Variants in PCDH9 observed in about 807,000 individuals in gnomAD.
PCDH9 encodes the protein protocadherin-9.
In PCDH9, 24 loss-of-function variants were observed where a neutral mutation model predicts 70.6. The ratio of observed to expected loss-of-function variants is 0.34; its 90% CI spans 0.25 to 0.48. The LOEUF is 0.48. Among genes scored for constraint, PCDH9 ranks in the 20% least tolerant of loss-of-function variants. The pLI is 0.99. For missense variants in PCDH9, 1,281 were observed against 1,503.6 expected (o/e 0.85, Z 2.45); for synonymous variants, 562 against 558.5 (o/e 1.01, Z -0.09).
intron 2 of PCDH9, among the ~76,000 whole-genome samples, chr13:66,982,406 G>A (rs1310930611): frequency 1.3e-5 from 2 of 152,152 alleles, no homozygotes; most frequent in Non-Finnish European, 2.9e-5. Flanking sequence ...GCACTTCCAA[G>A]AAACACTAAA....
intron 2 of PCDH9, among the ~76,000 whole-genome samples, chr13:67,047,402 T>G (rs944732501): frequency 6.6e-6 from 1 of 152,214 alleles, no homozygotes; most frequent in African/African-American, 2.4e-5. Flanking sequence ...AACAGTGGCA[T>G]TTATATTTCT....
intron 3 of PCDH9, among the ~76,000 whole-genome samples, chr13:66,788,650 T>TA (rs1169447665): frequency 9.5e-5 from 4 of 41,972 alleles, no homozygotes; most frequent in African/African-American, 2.2e-4. Context: ...AAACAGTAAT[T>TA]TTTTTTTTTT....
At chr13:66,580,670 T>G (rs1180434005) in intron 4 of PCDH9, among the ~76,000 whole-genome samples, 1 of 151,844 alleles carries the variant, frequency 6.6e-6, no homozygotes, top group South Asian at 2.1e-4. Flanking sequence ...CACCCCACAC[T>G]GTACAGCTTA....
chr13:66,323,572 G>A (rs1334422784), intron 4 of PCDH9: 1 of 151,802 alleles, frequency 6.6e-6, no homozygotes, highest in East Asian at 1.9e-4. Context: ...CTTCTTTCTT[G>A]TAATTTACAT....
At chr13:66,366,630 C>A (rs1956558749) in intron 4 of PCDH9, among the ~76,000 whole-genome samples, 1 of 151,906 alleles carries the variant, frequency 6.6e-6, no homozygotes, top group Non-Finnish European at 1.5e-5. Context: ...TCTAAGTAAT[C>A]CCTCTAAGAT....
intron 2 of PCDH9, among the ~76,000 whole-genome samples, chr13:66,975,183 G>A (rs1384164120): frequency 6.6e-6 from 1 of 151,966 alleles, no homozygotes; most frequent in African/African-American, 2.4e-5. Context: ...ACACAGATAG[G>A]CCATGTCATA....
chr13:66,863,805 T>C (rs1282372191), intron 3 of PCDH9, among the ~76,000 whole-genome samples: 1 of 152,066 alleles, frequency 6.6e-6, no homozygotes, highest in African/African-American at 2.4e-5. Flanking sequence ...GCAAAATTTC[T>C]AGGGAAATTT....
chr13:66,538,364 G>A (rs1034336955), intron 4 of PCDH9, among the ~76,000 whole-genome samples: 1 of 152,074 alleles, frequency 6.6e-6, no homozygotes, highest in Non-Finnish European at 1.5e-5. Flanking sequence ...TAGAAAGTTC[G>A]AGGAAATTAT....
chr13:67,051,185 G>A (rs2085314325), intron 2 of PCDH9, among the ~76,000 whole-genome samples: 1 of 151,982 alleles, frequency 6.6e-6, no homozygotes, highest in African/African-American at 2.4e-5. Context: ...TATTACAGTA[G>A]CATTTGGGTT....
At position 66,991,600 on chromosome 13, in the gene PCDH9, GACTA is replaced by G. The variant is rs1180662780; in HGVS notation, c.3037-87999_3037-87996del. On this transcript the variant is annotated intron_variant, in intron 2 of 4. Coordinates refer to ENST00000377865, the MANE Select transcript of PCDH9 (RefSeq NM_203487.3). ...TGACTTATATATTGAAATTTCATTTGACTAACTACTTTTTAATTCCATTAACATT... is the reference window on the plus strand; with the variant it reads ...TGACTTATATATTGAAATTTCATTTGACTACTTTTTAATTCCATTAACATT... Among the ~76,000 whole-genome samples the G allele has an allele frequency of 3.3e-5, 5 of 151,886 alleles. No individual in the cohort carries two copies. In the East Asian group the frequency reaches 5.8e-4, roughly 18 times the overall value.
intron 2 of PCDH9, among the ~76,000 whole-genome samples, chr13:67,047,337 C>T (rs1263254657): frequency 1.3e-5 from 2 of 152,140 alleles, no homozygotes; most frequent in Non-Finnish European, 2.9e-5. Flanking sequence ...GTTTTAAATA[C>T]TAAAGTTATG....
At chr13:66,404,439 G>A (rs1464307709) in intron 4 of PCDH9, among the ~76,000 whole-genome samples, 1 of 152,144 alleles carries the variant, frequency 6.6e-6, no homozygotes, top group Non-Finnish European at 1.5e-5. Context: ...AAGTGGAAAT[G>A]TAATCATACA....
At chr13:66,884,491 C>T (rs376600992) in intron 3 of PCDH9, among the ~76,000 whole-genome samples, 2 of 152,012 alleles carry the variant, frequency 1.3e-5, no homozygotes, top group African/African-American at 4.8e-5. Flanking sequence ...TTTCTGTAGA[C>T]GTATGTTGAG....
chr13:67,204,075 A>G (rs553936320), intron 2 of PCDH9: 12 of 152,260 alleles, frequency 7.9e-5, no homozygotes, highest in African/African-American at 2.9e-4. Context: ...GTATGATTAC[A>G]TATAAGGCTG....
intron 4 of PCDH9, among the ~76,000 whole-genome samples, chr13:66,426,089 T>A (rs1957664059): frequency 6.6e-6 from 1 of 151,436 alleles, no homozygotes; most frequent in African/African-American, 2.4e-5. Context: ...GAGGTAGGAG[T>A]ATAGTTTCTT....
intron 3 of PCDH9, among the ~76,000 whole-genome samples, chr13:66,750,882 T>C (rs2079447057): frequency 6.6e-6 from 1 of 152,148 alleles, no homozygotes; most frequent in South Asian, 2.1e-4. Flanking sequence ...CCTTTGAGGC[T>C]AGATGGCATG....
chr13:66,936,481 C>G lies in PCDH9; in HGVS notation c.3037-32876G>C, dbSNP rs555298093. On this transcript the variant is annotated intron_variant, in intron 2 of 4. Coordinates refer to ENST00000377865, the MANE Select transcript of PCDH9 (RefSeq NM_203487.3). ...TCCATTGCTGGAAGAAAAAATTTAA[C>G]TCAATTATGCCATCATGTTGGGTGA... Among the ~76,000 whole-genome samples the G allele has an allele frequency of 6.6e-5, 10 of 152,144 alleles. No homozygotes were observed. The South Asian group carries it at 2.1e-3, about 31-fold the overall frequency.
At chr13:66,942,325 CAGAA>C (rs1421663719) in intron 2 of PCDH9, among the ~76,000 whole-genome samples, 30 of 151,496 alleles carry the variant, frequency 2.0e-4, no homozygotes, top group African/African-American at 5.1e-4. Flanking sequence ...CATAAATAAA[CAGAA>C]AGCAGAAAAA....
chr13:66,427,325 C>T (rs1011026997), intron 4 of PCDH9, among the ~76,000 whole-genome samples: 1 of 151,642 alleles, frequency 6.6e-6, no homozygotes, highest in Non-Finnish European at 1.5e-5. Context: ...ATTGACAAAA[C>T]AAGCAGAAAC....
Sources: gnomAD v4.1 joint callset for allele counts (sites outside exome capture counted in the v4.1 genomes callset) on GRCh38, gnomAD v4.1.1 for gene constraint, MANE v1.5 for transcripts, NCBI Gene and HGNC (gene_info 2026-07-23, HGNC 2026-07-21) for gene names.